Variants in CRISPLD2 observed in about 807,000 individuals in gnomAD.
CRISPLD2 encodes the protein cysteine-rich secretory protein LCCL domain-containing 2.
CRISPLD2 carries 47 observed loss-of-function variants against 71.1 expected under a neutral mutation model. That is an observed-to-expected ratio of 0.66 (90% CI 0.52 to 0.84). The LOEUF is 0.84. CRISPLD2 is among the 40% of genes least tolerant of loss of function. The probability of loss-of-function intolerance (pLI) is 0.00; values close to 1 mark genes in which losing one functional copy is unlikely to be tolerated. For synonymous variants in CRISPLD2, 317 were observed against 250.1 expected (o/e 1.27, Z -2.52); for missense variants, 830 against 651.1 (o/e 1.27, Z -2.99).
chr16:84,846,790 T>G (rs1916926566), intron 3 of CRISPLD2, among the ~76,000 whole-genome samples: 1 of 152,114 alleles, frequency 6.6e-6, no homozygotes, highest in Non-Finnish European at 1.5e-5. Context: ...CAGTGTTCTG[T>G]CCCCTCTCCT....
At chr16:84,880,652 A>G (rs1157045880) in intron 13 of CRISPLD2, 68 bp downstream of exon 13, 1 of 1,163,642 alleles carries the variant, frequency 8.6e-7, no homozygotes, top group South Asian at 1.3e-5. Context: ...GCAAGCTCCA[A>G]GATCTGGATA....
At chr16:84,874,853 T>G (rs1311593568) in intron 11 of CRISPLD2, among the ~76,000 whole-genome samples, 3 of 152,358 alleles carry the variant, frequency 2.0e-5, no homozygotes, top group Admixed American at 6.5e-5. Context: ...TCTCTACATA[T>G]TCAAAGTATG....
At chr16:84,835,271 G>T (rs1916589785) in intron 1 of CRISPLD2, among the ~76,000 whole-genome samples, 1 of 152,114 alleles carries the variant, frequency 6.6e-6, no homozygotes, top group Admixed American at 6.5e-5. Context: ...TGTATTTTTA[G>T]TAGAGACGGG....
Position 84,909,354 on chromosome 16 carries a change from A to G in CRISPLD2, c.*2712A>G, listed in dbSNP as rs1195883983. 2.6e-5 allele frequency: 4 copies of G among 152,628 alleles called. No homozygotes were observed. Among genetic ancestry groups the G allele is most frequent in the African/African-American group, 7.2e-5 (3 of 41,438 alleles). 9.5% of individuals were successfully genotyped at this position (152,628 alleles called of 1,614,324 possible). A position where few individuals can be genotyped will look rare whatever the true frequency, so the allele number is the denominator to read the frequency against. On this transcript the variant is annotated 3_prime_UTR_variant, in exon 15 of 15. Coordinates refer to ENST00000262424, the MANE Select transcript of CRISPLD2 (RefSeq NM_031476.4). ...ATGTATTTTGCTACTTCCTGTGTAC[A>G]AAGTTTTATTGTAAATGTTTTTTGT... is the stretch of plus-strand genomic sequence containing the variant.
rs368926072 is a variant in CRISPLD2 at position 84,837,342 on chromosome 16, C to T, written c.-74-1080C>T. 2.4e-4 allele frequency among the ~76,000 whole-genome samples: 37 copies of T among 151,604 alleles called. No individual in the cohort carries two copies. The East Asian group carries it at 3.5e-3, about 14-fold the overall frequency. The stretch of plus-strand genomic sequence containing the variant: ...CTCTGGGTCTTTGTAATCATCATTT[C>T]GAATTTCAGCATCTCTGCTTACCAG... On this transcript the variant is annotated intron_variant, in intron 1 of 14. Coordinates refer to ENST00000262424, the MANE Select transcript of CRISPLD2 (RefSeq NM_031476.4).
chr16:84,836,321 AG>A (rs1916618049), intron 1 of CRISPLD2: 1 of 152,190 alleles, frequency 6.6e-6, no homozygotes, highest in South Asian at 2.1e-4. Flanking sequence ...CTCTTCTTTG[AG>A]CCTGGCCGCC....
chr16:84,880,647 C>A, intron 13 of CRISPLD2, 63 bp downstream of exon 13: 2 of 1,229,790 alleles, frequency 1.6e-6, no homozygotes, highest in Non-Finnish European at 2.4e-6. Context: ...AACATGCAAG[C>A]TCCAAGATCT....
chr16:84,867,777 A>T (rs769208240), intron 7 of CRISPLD2, among the ~76,000 whole-genome samples: 2 of 152,066 alleles, frequency 1.3e-5, no homozygotes, highest in African/African-American at 2.4e-5. Context: ...TCCCCCTGGG[A>T]CTTCCAGGAA....
intron 1 of CRISPLD2, chr16:84,836,458 C>G (rs370968435): frequency 2.0e-5 from 3 of 152,314 alleles, no homozygotes; most frequent in South Asian, 4.2e-4. Flanking sequence ...AGGTCCTCCC[C>G]ACGCAGCCCC....
chr16:84,826,147 G>A (rs1916346696), intron 1 of CRISPLD2, among the ~76,000 whole-genome samples: 1 of 152,212 alleles, frequency 6.6e-6, no homozygotes, highest in Non-Finnish European at 1.5e-5. Context: ...GGTGGGGCAT[G>A]GAGGGCTGGC....
intron 1 of CRISPLD2, among the ~76,000 whole-genome samples, chr16:84,831,311 A>G (rs991797263): frequency 3.9e-5 from 6 of 152,172 alleles, no homozygotes; most frequent in East Asian, 1.9e-4. Context: ...ACATCTGGGG[A>G]AAAATGGCCA....
At chr16:84,855,702 C>T (rs1349880333) in intron 6 of CRISPLD2, among the ~76,000 whole-genome samples, 1 of 152,162 alleles carries the variant, frequency 6.6e-6, no homozygotes, top group African/African-American at 2.4e-5. Flanking sequence ...CACAAGTCCA[C>T]CCCTTGTCAA....
At chr16:84,877,932 C>T (rs9673759) in intron 12 of CRISPLD2, among the ~76,000 whole-genome samples, 5,138 of 149,704 alleles carry the variant, frequency 0.034, 296 homozygotes, top group African/African-American at 0.12. Flanking sequence ...GATGTGTGGC[C>T]GGGCACGGTG....
intron 3 of CRISPLD2, chr16:84,849,146 G>A (rs1468330185): frequency 9.7e-6 from 5 of 514,414 alleles, no homozygotes; most frequent in Non-Finnish European, 1.4e-5. Context: ...TGCTGGAATT[G>A]AGGGTTATTC....
chr16:84,875,449 G>A (rs900058390), intron 11 of CRISPLD2, among the ~76,000 whole-genome samples: 1 of 126,842 alleles, frequency 7.9e-6, no homozygotes, highest in African/African-American at 3.5e-5. Flanking sequence ...TAGCTCATCA[G>A]CTATCATTAG....
rs1412967468 is a variant in CRISPLD2, at chr16:84,906,744, T to A, written c.*102T>A. The stretch of plus-strand genomic sequence containing the variant: ...GGGGTATATGGAGAGTCAGGAAACT[T>A]CCTTTGACTGATGTTCAGTGTCCAT... On this transcript the variant is annotated 3_prime_UTR_variant, in exon 15 of 15. Transcript: ENST00000262424. The A allele has an allele frequency of 2.3e-6, 3 of 1,300,366 alleles. No individual in the cohort carries two copies. Among genetic ancestry groups the A allele is most frequent in the Non-Finnish European group, 3.3e-6 (3 of 897,202 alleles). 80.6% of individuals were successfully genotyped at this position (1,300,366 alleles called of 1,614,324 possible).
chr16:84,831,090 G>A (rs1393733975), intron 1 of CRISPLD2, among the ~76,000 whole-genome samples: 10 of 152,186 alleles, frequency 6.6e-5, no homozygotes, highest in Non-Finnish European at 1.2e-4. Flanking sequence ...GAGTCAGAGC[G>A]GCTGCAATCC....
At chr16:84,848,264 C>T (rs562260341) in intron 3 of CRISPLD2, among the ~76,000 whole-genome samples, 38 of 152,304 alleles carry the variant, frequency 2.5e-4, no homozygotes, top group South Asian at 1.2e-3. Context: ...CTGCAAATGC[C>T]GCTGCCCGCT....
chr16:84,838,382 A>T, intron 1 of CRISPLD2, 40 bp from the exon 2 acceptor site: 1 of 1,330,220 alleles, frequency 7.5e-7, no homozygotes, highest in Non-Finnish European at 1.0e-6. Context: ...ACCGGCTCCT[A>T]CTAATGCGAC....
Sources: gnomAD v4.1 joint callset for allele counts (sites outside exome capture counted in the v4.1 genomes callset) on GRCh38, gnomAD v4.1.1 for gene constraint, MANE v1.5 for transcripts, NCBI Gene and HGNC (gene_info 2026-07-23, HGNC 2026-07-21) for gene names.